The following PRORP variants were observed in gnomAD, a reference collection of about 807,000 sequenced individuals.
PRORP encodes the protein mitochondrial ribonuclease P catalytic subunit.
PRORP carries 51 observed loss-of-function variants against 59.4 expected under a neutral mutation model. That is an observed-to-expected ratio of 0.86 (90% CI 0.69 to 1.08). The LOEUF (loss-of-function observed/expected upper bound fraction) is 1.08, where lower values mean the gene tolerates loss of function less well. Among genes scored for constraint, PRORP ranks in the 50% least tolerant of loss-of-function variants. The pLI is 0.00. For synonymous variants in PRORP, 231 were observed against 245.6 expected (o/e 0.94, Z 0.55); for missense variants, 646 against 690.3 (o/e 0.94, Z 0.72).
chr14:35,199,013 A>G lies in PRORP; in HGVS notation c.1275+18236A>G, dbSNP rs557832058. On this transcript the variant is annotated intron_variant, in intron 5 of 7. Coordinates refer to ENST00000534898, the MANE Select transcript of PRORP (RefSeq NM_014672.4). ...GAAACCCTGTTTCTACTAAAAATAC[A>G]AAAAATTAGCTAGGCCTGGTGGCGG... 1.8e-3 allele frequency among the ~76,000 whole-genome samples: 276 copies of G among 152,304 alleles called. 2 individuals are homozygous for G. Among genetic ancestry groups the G allele is most frequent in the African/African-American group, 6.3e-3 (264 of 41,580 alleles).
At chr14:35,271,324 A>G (rs1472074415) in intron 7 of PRORP, among the ~76,000 whole-genome samples, 2 of 151,330 alleles carry the variant, frequency 1.3e-5, no homozygotes, top group East Asian at 4.0e-4. Context: ...ACGCCGAGCT[A>G]ATTTTTGTAT....
Position 35,176,506 on chromosome 14 carries a change from T to G in PRORP, c.1168-4164T>G, listed in dbSNP as rs145811702. On this transcript the variant is annotated intron_variant, in intron 4 of 7. Transcript: ENST00000534898. ...GTATTTTATTCTCTTAGTAGCAATT[T>G]TGAATGGGAGTTCACTCATGATTTG... 6.3e-3 allele frequency among the ~76,000 whole-genome samples: 952 copies of G among 152,252 alleles called. 4 individuals carry two copies. Among genetic ancestry groups the G allele is most frequent in the South Asian group, 0.013 (64 of 4,824 alleles).
At chr14:35,124,869 C>T (rs1374180033) in intron 2 of PRORP, among the ~76,000 whole-genome samples, 8 of 150,182 alleles carry the variant, frequency 5.3e-5, no homozygotes, top group Non-Finnish European at 5.9e-5. Context: ...TCTACTCTCT[C>T]CCTTTTTTTT....
intron 5 of PRORP, chr14:35,235,276 G>T (rs1483487230): frequency 1.4e-6 from 1 of 693,166 alleles, no homozygotes. Context: ...AGTGATGGCG[G>T]ATTTCATCAT....
intron 5 of PRORP, among the ~76,000 whole-genome samples, chr14:35,259,951 G>A (rs1351158633): frequency 6.7e-6 from 1 of 148,438 alleles, no homozygotes; most frequent in Non-Finnish European, 1.5e-5. Flanking sequence ...TTTTTGTATA[G>A]CATTTTTAGT....
intron 5 of PRORP, chr14:35,263,021 G>T: frequency 6.3e-7 from 1 of 1,589,090 alleles, no homozygotes. Context: ...GAACTGTTCA[G>T]CCGGCTGATG....
At position 35,123,384 on chromosome 14, in the gene PRORP, T is replaced by G. The variant is rs1308318589; in HGVS notation, c.139T>G (p.Ser47Ala). The change falls in exon 2 of 8, where the codon TCT (serine) becomes GCT (alanine). Residue 47 changes from serine to alanine, a missense_variant. Physicochemically the swap from Ser to Ala is moderately conservative, Grantham distance 99 (BLOSUM62 1). Transcript: ENST00000534898. Reference protein sequence around the residue: ...CGIRNQQRLFSLKTMSPQNTK... With the variant: ...CGIRNQQRLFALKTMSPQNTK... ...CATCAGGAACCAGCAGAGGTTGTTT[T>G]CTCTTAAAACAATGTCTCCACAGAA... The G allele has an allele frequency of 1.2e-6, 2 of 1,614,054 alleles. No homozygotes were observed. The highest frequency in any genetic ancestry group is 2.7e-5 in the African/African-American group (2 of 74,932).
At chr14:35,163,552 C>T (rs984775640) in intron 4 of PRORP, among the ~76,000 whole-genome samples, 1 of 152,094 alleles carries the variant, frequency 6.6e-6, no homozygotes, top group Non-Finnish European at 1.5e-5. Context: ...TTATTAGCCA[C>T]TTGTATGCCT....
At chr14:35,174,970 C>T (rs1215262100) in intron 4 of PRORP, among the ~76,000 whole-genome samples, 1 of 146,650 alleles carries the variant, frequency 6.8e-6, no homozygotes, top group Non-Finnish European at 1.5e-5. Context: ...TCAATTCGCA[C>T]TTATGAATAA....
chr14:35,241,891 G>C (rs2050378513), intron 5 of PRORP, among the ~76,000 whole-genome samples: 1 of 152,036 alleles, frequency 6.6e-6, no homozygotes, highest in South Asian at 2.1e-4. Flanking sequence ...TTCCATTTTA[G>C]CTTTAAAAAC....
At position 35,206,340 on chromosome 14, in the gene PRORP, T is replaced by C. The variant is rs368537512; in HGVS notation, c.1275+25563T>C. On this transcript the variant is annotated intron_variant, in intron 5 of 7. Transcript: ENST00000534898. ...CTGAGTGAGGTGGAGGACACTGTTATTCTGCTTCCTTCTTCCCATGGTGAG... is the reference window on the plus strand; with the variant it reads ...CTGAGTGAGGTGGAGGACACTGTTACTCTGCTTCCTTCTTCCCATGGTGAG... 7.9e-4 allele frequency among the ~76,000 whole-genome samples: 120 copies of C among 152,328 alleles called. 3 individuals carry two copies. The South Asian group carries it at 0.024, about 30-fold the overall frequency.
At chr14:35,125,248 A>G (rs1425163697) in intron 2 of PRORP, among the ~76,000 whole-genome samples, 3 of 152,162 alleles carry the variant, frequency 2.0e-5, no homozygotes, top group South Asian at 2.1e-4. Context: ...AAGCATTACA[A>G]TGGAAAATCT....
intron 5 of PRORP, among the ~76,000 whole-genome samples, chr14:35,236,197 A>G (rs1211929520): frequency 6.6e-6 from 1 of 152,054 alleles, no homozygotes; most frequent in East Asian, 1.9e-4. Flanking sequence ...AGGATTAGAC[A>G]TGTCTCATTC....
chr14:35,152,180 T>G (rs945430162), intron 4 of PRORP, among the ~76,000 whole-genome samples: 17 of 152,142 alleles, frequency 1.1e-4, no homozygotes, highest in African/African-American at 4.1e-4. Context: ...AAAGCACATC[T>G]TGCACCGCCC....
intron 5 of PRORP, among the ~76,000 whole-genome samples, chr14:35,206,053 G>C (rs2139148893): frequency 6.6e-6 from 1 of 152,158 alleles, no homozygotes; most frequent in East Asian, 1.9e-4. Flanking sequence ...CCAGCATGGT[G>C]TTTGGCATGT....
At position 35,123,394 on chromosome 14, in the gene PRORP, CA is replaced by C. The variant is rs1199390951; in HGVS notation, c.151del (p.Met51CysfsTer11). ...CAGCAGAGGTTGTTTTCTCTTAAAACAATGTCTCCACAGAATACCAAAGCAA... is the reference window on the plus strand; with the variant it reads ...CAGCAGAGGTTGTTTTCTCTTAAAACATGTCTCCACAGAATACCAAAGCAA... The part of the protein sequence containing the change: ...RNQQRLFSLK[T>X]MSPQNTKATN... On this transcript the variant is annotated frameshift_variant, in exon 2 of 8. Coordinates refer to ENST00000534898, the MANE Select transcript of PRORP (RefSeq NM_014672.4). LOFTEE classifies it high-confidence loss of function. 9.3e-6 allele frequency: 15 copies of C among 1,614,058 alleles called. No homozygotes were observed. Among genetic ancestry groups the C allele is most frequent in the Non-Finnish European group, 1.3e-5 (15 of 1,180,038 alleles).
chr14:35,121,934 C>A (rs775556346), upstream of PRORP: 1 of 1,614,036 alleles, frequency 6.2e-7, no homozygotes, highest in Non-Finnish European at 8.5e-7. Flanking sequence ...CGCTAGGCGC[C>A]GACGAAGAAC....
intron 5 of PRORP, among the ~76,000 whole-genome samples, chr14:35,201,394 C>A (rs186013118): frequency 9.9e-4 from 151 of 152,190 alleles, no homozygotes; most frequent in African/African-American, 3.4e-3. Context: ...GGAATTCTCC[C>A]CATGAAATTG....
At chr14:35,228,704 C>A (rs1221370173) in intron 5 of PRORP, among the ~76,000 whole-genome samples, 3 of 152,164 alleles carry the variant, frequency 2.0e-5, no homozygotes, top group Non-Finnish European at 2.9e-5. Context: ...ATCCAGTCCA[C>A]CATTGATGGG....
Sources: gnomAD v4.1 joint callset for allele counts (sites outside exome capture counted in the v4.1 genomes callset) on GRCh38, gnomAD v4.1.1 for gene constraint, MANE v1.5 for transcripts, NCBI Gene and HGNC (gene_info 2026-07-23, HGNC 2026-07-21) for gene names.